SYCP2: variants seen among roughly 807,000 people sequenced by gnomAD.
SYCP2 encodes synaptonemal complex protein 2.
Under a neutral mutation model 211.3 loss-of-function variants are expected in SYCP2, and 55 were observed. That is an observed-to-expected ratio of 0.26 (90% confidence interval 0.21 to 0.33). The LOEUF is 0.33. Ranked by LOEUF, SYCP2 falls within the 10% of genes least tolerant of loss-of-function variation. SYCP2 has a pLI of 1.00. For synonymous variants in SYCP2, 570 were observed against 555.2 expected, an observed-to-expected ratio of 1.03 and a Z score of -0.37; for missense variants, 1,731 against 1,752.0, an observed-to-expected ratio of 0.99 and a Z score of 0.21.
intron 2 of SYCP2, among the ~76,000 whole-genome samples, chr20:59,930,402 A>G (rs2060716166): frequency 6.6e-6 from 1 of 151,594 alleles, no homozygotes; most frequent in South Asian, 2.1e-4. Flanking sequence ...CTTAGGTAAG[A>G]GAAAAGAGAT....
chr20:59,910,959 C>T (rs1360903503), intron 14 of SYCP2, among the ~76,000 whole-genome samples: 1 of 151,952 alleles, frequency 6.6e-6, no homozygotes, highest in African/African-American at 2.4e-5. Context: ...GCAATAAAGG[C>T]ATGTGGAAAT....
In SYCP2 at chr20:59,864,394, G is replaced by T; in HGVS notation, c.4516-6C>A. On this transcript the variant is annotated splice_polypyrimidine_tract_variant and splice_region_variant and intron_variant, in intron 44 of 44. Transcript: ENST00000357552. ...TTAAGAAGCTCCTCTTCTAGCTATA[G>T]CCAAGAAAAAAAAAATCACACTTAG... 1.3e-6 allele frequency: 2 copies of T among 1,563,698 alleles called. No individual in the cohort carries two copies. Among genetic ancestry groups the T allele is most frequent in the Non-Finnish European group, 1.7e-6 (2 of 1,156,564 alleles).
intron 22 of SYCP2, 84 bp downstream of exon 22, chr20:59,893,058 C>A (rs2059938336): frequency 1.1e-6 from 1 of 918,592 alleles, no homozygotes; most frequent in Non-Finnish European, 1.7e-6. Flanking sequence ...TAATCATATA[C>A]AGTCCTTTTC....
At chr20:59,874,921 A>C (rs1385652069) in intron 34 of SYCP2, among the ~76,000 whole-genome samples, 1 of 152,078 alleles carries the variant, frequency 6.6e-6, no homozygotes, top group Non-Finnish European at 1.5e-5. Context: ...TAGAAAAAAC[A>C]GAATTCTCCA....
chr20:59,900,300 A>G lies in SYCP2; in HGVS notation c.1258-16T>C, dbSNP rs1472943254. On this transcript the variant is annotated splice_polypyrimidine_tract_variant and intron_variant, in intron 17 of 44. Coordinates refer to ENST00000357552, the MANE Select transcript of SYCP2 (RefSeq NM_014258.4). ...GCACTAGAATCTGTTGGAGAATATG[A>G]AAAAAAAAGTATTTAAAACTGCAAA... The G allele has an allele frequency of 1.3e-6, 2 of 1,538,124 alleles. No individual in the cohort carries two copies. Among genetic ancestry groups the G allele is most frequent in the Middle Eastern group, 1.7e-4 (1 of 5,718 alleles).
At position 59,915,587 on chromosome 20, in the gene SYCP2, T is replaced by A. The variant is rs370554021; in HGVS notation, c.514-37A>T. The A allele has an allele frequency of 3.7e-4, 462 of 1,253,730 alleles. 8 individuals are homozygous for A. The South Asian group carries it at 5.4e-3, about 15-fold the overall frequency. 77.7% of individuals were successfully genotyped at this position (1,253,730 alleles called of 1,614,324 possible). On this transcript the variant is annotated intron_variant, in intron 8 of 44. Transcript: ENST00000357552. ...AAAAAGATAATGCATTAACTTTACA[T>A]TCAGTGAAACACTATTAAGAGAAAT...
chr20:59,918,914 T>G lies in SYCP2; in HGVS notation c.427+244A>C, dbSNP rs572694478. 2.0e-5 allele frequency among the ~76,000 whole-genome samples: 3 copies of G among 152,234 alleles called. No individual in the cohort carries two copies. The South Asian group carries it at 6.2e-4, about 32-fold the overall frequency. On this transcript the variant is annotated intron_variant, in intron 7 of 44. Coordinates refer to ENST00000357552, the MANE Select transcript of SYCP2 (RefSeq NM_014258.4). ...TATTTTCAATGGCATCAATAAATTA[T>G]TCATAGAAATTTGTTTTTCTTTCTT...
In SYCP2 at chr20:59,914,214, A is replaced by G; in HGVS notation, c.672T>C (p.Cys224=). Residue 224 remains cysteine (C), a synonymous_variant, in exon 11 of 45, where the codon TGT becomes TGC. Transcript: ENST00000357552. ...GTCTTTGTTTTTCTGTGGTCATTCTACACAAAGCTTCTACAATGCCTACCT... is the reference window on the plus strand; with the variant it reads ...GTCTTTGTTTTTCTGTGGTCATTCTGCACAAAGCTTCTACAATGCCTACCT... ...DLQVGIVEAL[C]RMTTEKQRQE... The G allele has an allele frequency of 6.2e-7, 1 of 1,600,498 alleles. No homozygotes were observed. Among genetic ancestry groups the G allele is most frequent in the Non-Finnish European group, 8.5e-7 (1 of 1,170,676 alleles).
intron 44 of SYCP2, among the ~76,000 whole-genome samples, chr20:59,865,112 C>A (rs2145574867): frequency 6.6e-6 from 1 of 152,128 alleles, no homozygotes; most frequent in Admixed American, 6.6e-5. Context: ...CTGCAGTACC[C>A]AGTGTTTAGA....
chr20:59,899,655 A>G (rs2060076864), intron 18 of SYCP2, among the ~76,000 whole-genome samples: 1 of 152,174 alleles, frequency 6.6e-6, no homozygotes, highest in Non-Finnish European at 1.5e-5. Flanking sequence ...ACAGGGGGCT[A>G]TCGACAATGT....
intron 14 of SYCP2, among the ~76,000 whole-genome samples, chr20:59,910,472 CT>C (rs1234969235): frequency 1.4e-5 from 2 of 146,638 alleles, no homozygotes; most frequent in African/African-American, 5.2e-5. Flanking sequence ...GCTCCGCTTC[CT>C]GGGTTCACGC....
In SYCP2 at chr20:59,865,803, T is replaced by C; in HGVS notation, c.4379+4A>G. On this transcript the variant is annotated splice_donor_region_variant and intron_variant, in intron 42 of 44. Transcript: ENST00000357552. ...ATTATAGCCATTAAGAATGTCATAC[T>C]AACCTCTGTTGTTCGCTTTTTTGAT... The C allele has an allele frequency of 7.2e-7, 1 of 1,398,570 alleles. No individual in the cohort carries two copies. Among genetic ancestry groups the C allele is most frequent in the Non-Finnish European group, 9.5e-7 (1 of 1,049,346 alleles). 86.6% of individuals were successfully genotyped at this position (1,398,570 alleles called of 1,614,324 possible). A position where few individuals can be genotyped will look rare whatever the true frequency, so the allele number is the denominator to read the frequency against.
At chr20:59,864,906 G>A (rs1471955391) in intron 44 of SYCP2, among the ~76,000 whole-genome samples, 1 of 151,884 alleles carries the variant, frequency 6.6e-6, no homozygotes, top group African/African-American at 2.4e-5. Flanking sequence ...CCCTTCCCAG[G>A]TCCATCCACA....
intron 7 of SYCP2, among the ~76,000 whole-genome samples, chr20:59,918,765 C>A (rs1329423901): frequency 6.6e-6 from 1 of 152,060 alleles, no homozygotes; most frequent in African/African-American, 2.4e-5. Context: ...TGAACATTTA[C>A]AATCAATTTT....
Position 59,922,468 on chromosome 20 carries a change from GA to G in SYCP2, c.-46-10del, listed in dbSNP as rs1555886423. ...CAAGACAAAATAAACACCTATAAAA[GA>G]AAACATATATTTTCTGTATCTCACA... On this transcript the variant is annotated splice_polypyrimidine_tract_variant and intron_variant, in intron 2 of 44. Coordinates refer to ENST00000357552, the MANE Select transcript of SYCP2 (RefSeq NM_014258.4). The G allele has an allele frequency of 5.5e-6, 7 of 1,277,180 alleles. No individual in the cohort carries two copies. The highest frequency in any genetic ancestry group is 7.6e-6 in the Non-Finnish European group (7 of 925,054). The allele number at this position is 1,277,180 out of a possible 1,614,324, so 79.1% of individuals were successfully genotyped here.
In SYCP2 at chr20:59,912,286, G is replaced by C. The variant is rs561354933; in HGVS notation, c.876+87C>G. 1.2e-5 allele frequency: 7 copies of C among 589,912 alleles called. 1 individual carries two copies. In the South Asian group the frequency reaches 1.3e-4, roughly 11 times the overall value. The allele number at this position is 589,912 out of a possible 1,614,324, so 36.5% of individuals were successfully genotyped here. A position where few individuals can be genotyped will look rare whatever the true frequency, so the allele number is the denominator to read the frequency against. On this transcript the variant is annotated intron_variant, in intron 13 of 44. Transcript: ENST00000357552. ...CATGATCTAATTACAACTATTTTTAGTGTTCTTATTCATTTTTAACTCATA... is the reference window on the plus strand; with the variant it reads ...CATGATCTAATTACAACTATTTTTACTGTTCTTATTCATTTTTAACTCATA...
At chr20:59,868,748 T>C in intron 37 of SYCP2, 87 bp downstream of exon 37, 10 of 1,312,656 alleles carry the variant, frequency 7.6e-6, no homozygotes, top group Non-Finnish European at 1.0e-5. Flanking sequence ...AATAACGGTA[T>C]GACTTAAAAT....
intron 2 of SYCP2, among the ~76,000 whole-genome samples, chr20:59,931,352 G>A (rs148219871): frequency 7.2e-4 from 109 of 152,286 alleles, no homozygotes; most frequent in African/African-American, 2.5e-3. Context: ...CCATGTTCAC[G>A]CTACTGCACT....
chr20:59,866,620 T>C (rs776815050), intron 39 of SYCP2, 31 bp from the exon 40 acceptor site: 5 of 1,472,724 alleles, frequency 3.4e-6, no homozygotes, highest in Middle Eastern at 1.8e-4. Context: ...AGTTAAAATA[T>C]CTTTACAAAA....
Sources: gnomAD v4.1 joint callset for allele counts (sites outside exome capture counted in the v4.1 genomes callset) on GRCh38, gnomAD v4.1.1 for gene constraint, MANE v1.5 for transcripts, NCBI Gene and HGNC (gene_info 2026-07-23, HGNC 2026-07-21) for gene names.